The following CACNG5 variants were observed in gnomAD, a reference collection of about 807,000 sequenced individuals.
CACNG5 encodes calcium voltage-gated channel auxiliary subunit gamma 5, also known as voltage-dependent calcium channel gamma-5 subunit.
In CACNG5, 18 loss-of-function variants were observed where a neutral mutation model predicts 24.8. The observed-to-expected ratio is 0.73, with a 90% confidence interval of 0.50 to 1.08. CACNG5 has a LOEUF of 1.08. CACNG5 is among the 50% of genes least tolerant of loss of function. CACNG5 has a pLI of 0.00. For missense variants in CACNG5, 349 were observed against 367.9 expected (o/e 0.95, Z 0.42); for synonymous variants, 157 against 149.1 (o/e 1.05, Z -0.39).
At chr17:66,853,210 C>T (rs1181976248) in intron 1 of CACNG5, among the ~76,000 whole-genome samples, 16 of 152,192 alleles carry the variant, frequency 1.1e-4, no homozygotes, top group African/African-American at 2.2e-4. Context: ...CTTTGTATTG[C>T]GGAGTAGTAT....
chr17:66,865,380 T>C (rs1976915128), intron 1 of CACNG5, among the ~76,000 whole-genome samples: 1 of 152,102 alleles, frequency 6.6e-6, no homozygotes, highest in Non-Finnish European at 1.5e-5. Flanking sequence ...GACATTCTGC[T>C]TTACATAGGA....
At chr17:66,866,038 C>A (rs527597981) in intron 1 of CACNG5, among the ~76,000 whole-genome samples, 1 of 152,198 alleles carries the variant, frequency 6.6e-6, no homozygotes, top group African/African-American at 2.4e-5. Flanking sequence ...TGAGAAAATT[C>A]TTGCAGATGC....
chr17:66,838,540 G>A (rs183483795), intron 1 of CACNG5, among the ~76,000 whole-genome samples: 28 of 152,028 alleles, frequency 1.8e-4, no homozygotes, highest in African/African-American at 6.7e-4. Context: ...ACTGGTCCTG[G>A]CTGGTGAAGC....
At chr17:66,874,621 A>G (rs1168215229) in intron 1 of CACNG5, among the ~76,000 whole-genome samples, 1 of 152,180 alleles carries the variant, frequency 6.6e-6, no homozygotes, top group African/African-American at 2.4e-5. Flanking sequence ...GCCATTCCTG[A>G]GGGATTCCAT....
intron 1 of CACNG5, among the ~76,000 whole-genome samples, chr17:66,844,645 G>A (rs1976611489): frequency 6.6e-6 from 1 of 152,038 alleles, no homozygotes. Flanking sequence ...CACAGTATCA[G>A]TGGTCTCGGC....
chr17:66,866,483 A>T (rs967163396), intron 1 of CACNG5, among the ~76,000 whole-genome samples: 1 of 151,958 alleles, frequency 6.6e-6, no homozygotes, highest in African/African-American at 2.4e-5. Flanking sequence ...TCCAGTATAC[A>T]TGTGCAAGGT....
chr17:66,860,161 G>T (rs1207134479), intron 1 of CACNG5, among the ~76,000 whole-genome samples: 2 of 152,120 alleles, frequency 1.3e-5, no homozygotes, highest in African/African-American at 4.8e-5. Flanking sequence ...AGGCTGAGAG[G>T]TGAATGAGAG....
At chr17:66,872,980 T>C (rs975979181) in intron 1 of CACNG5, among the ~76,000 whole-genome samples, 1 of 152,228 alleles carries the variant, frequency 6.6e-6, no homozygotes, top group Non-Finnish European at 1.5e-5. Flanking sequence ...CCCATATTTC[T>C]TCAGTAGCGA....
chr17:66,858,512 C>T (rs1976811542), intron 1 of CACNG5, among the ~76,000 whole-genome samples: 1 of 152,206 alleles, frequency 6.6e-6, no homozygotes, highest in Admixed American at 6.5e-5. Context: ...CCCAGCACCT[C>T]TGCATCTGCC....
intron 5 of CACNG5, 43 bp downstream of exon 5, chr17:66,884,704 A>G (rs757394204): frequency 6.2e-7 from 1 of 1,614,166 alleles, no homozygotes; most frequent in South Asian, 1.1e-5. Flanking sequence ...GGGCCTGGGC[A>G]CTGCCCCACT....
chr17:66,872,413 C>A (rs1598058266), intron 1 of CACNG5, among the ~76,000 whole-genome samples: 1 of 152,122 alleles, frequency 6.6e-6, no homozygotes, highest in East Asian at 1.9e-4. Flanking sequence ...CTTCAAGGGC[C>A]TTCCTGTCCC....
chr17:66,876,126 A>G (rs559607063), intron 1 of CACNG5, among the ~76,000 whole-genome samples: 1 of 152,234 alleles, frequency 6.6e-6, no homozygotes, highest in Admixed American at 6.5e-5. Flanking sequence ...AACCAGCTGC[A>G]TGGTGATGCC....
chr17:66,879,279 G>A (rs1400779640), intron 3 of CACNG5, among the ~76,000 whole-genome samples: 3 of 152,174 alleles, frequency 2.0e-5, no homozygotes, highest in Non-Finnish European at 4.4e-5. Context: ...CATCAATCAG[G>A]GAACTGAGCT....
intron 1 of CACNG5, among the ~76,000 whole-genome samples, chr17:66,867,927 T>G (rs1245111347): frequency 6.6e-6 from 1 of 152,212 alleles, no homozygotes; most frequent in East Asian, 1.9e-4. Context: ...TTTGTTCTTT[T>G]TGCTTAGGAT....
chr17:66,844,428 C>A (rs1976609451), intron 1 of CACNG5, among the ~76,000 whole-genome samples: 1 of 152,128 alleles, frequency 6.6e-6, no homozygotes, highest in Non-Finnish European at 1.5e-5. Flanking sequence ...AGAAGGAGAG[C>A]AGCTACTATA....
chr17:66,884,803 C>T lies in CACNG5; in HGVS notation c.570+142C>T, dbSNP rs1242383267. The T allele has an allele frequency of 4.3e-6, 7 of 1,613,192 alleles. No individual in the cohort carries two copies. In the East Asian group the frequency reaches 1.1e-4, roughly 26 times the overall value. ...CCCACTCTACTTCCCTTCCTCATCC[C>T]AGAATGTGTCACTGTCTTACCTTTC... On this transcript the variant is annotated intron_variant, in intron 5 of 5. Coordinates refer to ENST00000533854, the MANE Select transcript of CACNG5 (RefSeq NM_145811.3).
intron 1 of CACNG5, among the ~76,000 whole-genome samples, chr17:66,875,443 A>G (rs898531555): frequency 5.9e-5 from 9 of 152,190 alleles, no homozygotes; most frequent in Non-Finnish European, 1.2e-4. Context: ...CTCACTCTGT[A>G]GATCAATCAA....
At position 66,894,328 on chromosome 17, in the gene CACNG5, G is replaced by C. The variant is rs1436107038; in HGVS notation, c.*9088G>C. On this transcript the variant is annotated 3_prime_UTR_variant, in exon 6 of 6. Transcript: ENST00000533854. ...ATGGTGGGCTTTTTTGCCTGGATTG[G>C]GGGAAGAAAAAGTGATGGGGAAAAT... is the stretch of plus-strand genomic sequence containing the variant. Among the ~76,000 whole-genome samples, 2 of 152,028 alleles carry C rather than the reference G, an allele frequency of 1.3e-5. No homozygotes were observed. Among genetic ancestry groups the C allele is most frequent in the South Asian group, 2.1e-4 (1 of 4,822 alleles).
At chr17:66,884,080 C>T (rs961470674) in intron 4 of CACNG5, among the ~76,000 whole-genome samples, 5 of 150,674 alleles carry the variant, frequency 3.3e-5, no homozygotes, top group Admixed American at 1.3e-4. Flanking sequence ...TGCAGTGAGC[C>T]GAGATCGCGC....
Sources: gnomAD v4.1 joint callset for allele counts (sites outside exome capture counted in the v4.1 genomes callset) on GRCh38, gnomAD v4.1.1 for gene constraint, MANE v1.5 for transcripts, NCBI Gene and HGNC (gene_info 2026-07-23, HGNC 2026-07-21) for gene names.